FAM184A: variants seen among roughly 807,000 people sequenced by gnomAD.
FAM184A encodes the protein family with sequence similarity 184 member A, also known as protein FAM184A.
In FAM184A, 99 loss-of-function variants were observed where a neutral mutation model predicts 143.8. The ratio of observed to expected loss-of-function variants is 0.69; its 90% CI spans 0.58 to 0.81. FAM184A has a LOEUF of 0.81. FAM184A is among the 40% of genes least tolerant of loss of function. FAM184A has a pLI of 0.00. For synonymous variants in FAM184A, 427 were observed against 446.4 expected (o/e 0.96, Z 0.55); for missense variants, 1,217 against 1,310.5 (o/e 0.93, Z 1.10).
At chr6:119,043,584 A>C (rs1436656381) in intron 1 of FAM184A, among the ~76,000 whole-genome samples, 1 of 152,210 alleles carries the variant, frequency 6.6e-6, no homozygotes, top group East Asian at 1.9e-4. Context: ...AACAAAAGCC[A>C]TAAGCTACTA....
At chr6:119,123,329 C>T (rs1700865310) in intron 1 of FAM184A, among the ~76,000 whole-genome samples, 1 of 152,052 alleles carries the variant, frequency 6.6e-6, no homozygotes, top group South Asian at 2.1e-4. Context: ...GTGGAGGTTG[C>T]AGTGAGCCGA....
chr6:119,046,739 T>C (rs1031975031), intron 1 of FAM184A, among the ~76,000 whole-genome samples: 4 of 152,164 alleles, frequency 2.6e-5, no homozygotes, highest in African/African-American at 9.7e-5. Context: ...TACATACCCC[T>C]GAATGGCCAG....
chr6:119,080,835 A>G (rs1788041468), upstream of FAM184A, among the ~76,000 whole-genome samples: 1 of 152,130 alleles, frequency 6.6e-6, no homozygotes, highest in Non-Finnish European at 1.5e-5. Flanking sequence ...TCACATTGCT[A>G]TAAAAAAAAA....
At chr6:119,129,937 A>G (rs1328962551) in intron 1 of FAM184A, among the ~76,000 whole-genome samples, 1 of 152,138 alleles carries the variant, frequency 6.6e-6, no homozygotes, top group Admixed American at 6.5e-5. Context: ...CTTTGGCAAA[A>G]ATCTACTTAA....
rs117003307 is a variant in FAM184A, at chr6:119,009,103, T to C, written c.1653+2206A>G. 7.5e-3 allele frequency among the ~76,000 whole-genome samples: 1,144 copies of C among 152,326 alleles called. 6 individuals carry two copies. Among genetic ancestry groups the C allele is most frequent in the South Asian group, 0.024 (117 of 4,822 alleles). On this transcript the variant is annotated intron_variant, in intron 6 of 17. Coordinates refer to ENST00000338891, the MANE Select transcript of FAM184A (RefSeq NM_024581.6). ...AAGTTATTTTAACTTTTCTATGCTT[T>C]AGTAACTGGTACCTACTGCACAGGG...
chr6:119,028,727 A>G (rs529002625), intron 1 of FAM184A, among the ~76,000 whole-genome samples: 1 of 152,278 alleles, frequency 6.6e-6, no homozygotes, highest in East Asian at 1.9e-4. Flanking sequence ...TCTGAGAGCC[A>G]TTCTAGCAAA....
chr6:119,092,904 A>G (rs1469645481), intron 1 of FAM184A, among the ~76,000 whole-genome samples: 1 of 152,112 alleles, frequency 6.6e-6, no homozygotes, highest in East Asian at 1.9e-4. Flanking sequence ...TAGGCTGCCT[A>G]TCCATCTCAC....
chr6:118,970,893 T>TA (rs1393933314), intron 14 of FAM184A, among the ~76,000 whole-genome samples: 1 of 152,088 alleles, frequency 6.6e-6, no homozygotes, highest in Non-Finnish European at 1.5e-5. Context: ...TACAAATGCC[T>TA]AAAAAGCTGT....
chr6:119,027,660 G>A (rs1475646926), intron 1 of FAM184A, among the ~76,000 whole-genome samples: 1 of 152,204 alleles, frequency 6.6e-6, no homozygotes, highest in African/African-American at 2.4e-5. Context: ...AGCCAAGGAA[G>A]TTAAAGCTCC....
At chr6:119,098,568 G>A (rs1490000586) in intron 1 of FAM184A, among the ~76,000 whole-genome samples, 4 of 152,166 alleles carry the variant, frequency 2.6e-5, no homozygotes, top group Admixed American at 1.3e-4. Context: ...TTGAAGTAGC[G>A]TGTTATGGGT....
chr6:119,129,552 T>C (rs1789471772), intron 1 of FAM184A, among the ~76,000 whole-genome samples: 1 of 152,184 alleles, frequency 6.6e-6, no homozygotes, highest in Non-Finnish European at 1.5e-5. Flanking sequence ...CGCATTTTAT[T>C]TCAGTCCACT....
chr6:119,017,671 A>C (rs1489465665), intron 4 of FAM184A, among the ~76,000 whole-genome samples: 2 of 152,198 alleles, frequency 1.3e-5, no homozygotes, highest in Non-Finnish European at 2.9e-5. Flanking sequence ...ATGGCAATAT[A>C]GTTTTATAAG....
At chr6:119,057,360 C>T (rs1222007278) in intron 1 of FAM184A, among the ~76,000 whole-genome samples, 1 of 152,148 alleles carries the variant, frequency 6.6e-6, no homozygotes, top group Non-Finnish European at 1.5e-5. Flanking sequence ...TTTCTTACTA[C>T]CATATATCTA....
At chr6:119,010,463 G>A (rs1393568795) in intron 6 of FAM184A, among the ~76,000 whole-genome samples, 3 of 151,994 alleles carry the variant, frequency 2.0e-5, no homozygotes, top group Non-Finnish European at 4.4e-5. Context: ...TTCATTTCCA[G>A]TTCTTAAATT....
At chr6:119,102,784 C>CAAAAAAAAAAAAAAAAAAAA (rs58686018) in intron 1 of FAM184A, among the ~76,000 whole-genome samples, 4 of 30,110 alleles carry the variant, frequency 1.3e-4, no homozygotes, top group African/African-American at 3.7e-4. Flanking sequence ...GACTCCATCT[C>CAAAAAAAAAAAAAAAAAAAA]AAAAAAAAAA....
chr6:118,998,359 A>G lies in FAM184A; in HGVS notation c.2088+4540T>C, dbSNP rs116209366. On this transcript the variant is annotated intron_variant, in intron 9 of 17. Coordinates refer to ENST00000338891, the MANE Select transcript of FAM184A (RefSeq NM_024581.6). ...CTCTGTGCCTCATTCTGTTCACTCT[A>G]TTCAACAACTGCCAAGTGCTTACTA... is the stretch of plus-strand genomic sequence containing the variant. Among the ~76,000 whole-genome samples, 500 of 152,282 alleles carry G rather than the reference A, an allele frequency of 3.3e-3. 2 individuals carry two copies. Among genetic ancestry groups the G allele is most frequent in the African/African-American group, 0.011 (468 of 41,570 alleles).
At chr6:119,028,651 G>A (rs545550751) in intron 1 of FAM184A, among the ~76,000 whole-genome samples, 31 of 152,308 alleles carry the variant, frequency 2.0e-4, no homozygotes, top group African/African-American at 7.5e-4. Flanking sequence ...CCTGCCCTAT[G>A]CATCTCTTCC....
In FAM184A at chr6:119,022,998, G is replaced by A. The variant is rs1350255795; in HGVS notation, c.1097C>T (p.Ala366Val). 6.2e-7 allele frequency: 1 copy of A among 1,614,176 alleles called. No individual in the cohort carries two copies. Among genetic ancestry groups the A allele is most frequent in the South Asian group, 1.1e-5 (1 of 91,086 alleles). The change falls in exon 3 of 18, where the codon GCA becomes GTA. Residue 366 changes from alanine (A) to valine (V), a missense_variant. Ala to Val is a moderately conservative substitution (Grantham distance 64). Coordinates refer to ENST00000338891, the MANE Select transcript of FAM184A (RefSeq NM_024581.6). ...SKHKEVESEL[A>V]AARERLQQQA... ...CTGTTGTAAACGTTCTCTGGCAGCT[G>A]CTAGCTCACTTTCCACTTCTTTGTG...
At chr6:119,058,372 T>C (rs781478533) in intron 1 of FAM184A, among the ~76,000 whole-genome samples, 13 of 151,752 alleles carry the variant, frequency 8.6e-5, no homozygotes, top group Non-Finnish European at 1.9e-4. Flanking sequence ...AGCTAATTTT[T>C]TTGTGTTTTT....
Sources: gnomAD v4.1 joint callset for allele counts (sites outside exome capture counted in the v4.1 genomes callset) on GRCh38, gnomAD v4.1.1 for gene constraint, MANE v1.5 for transcripts, NCBI Gene and HGNC (gene_info 2026-07-23, HGNC 2026-07-21) for gene names.